MIR17HG: variants seen among roughly 807,000 people sequenced by gnomAD.
MIR17HG encodes the protein miR-17-92a-1 cluster host gene, also known as MIR17 host gene (non-protein coding).
At chr13:91,352,488 C>T (rs915448705) in intron 3 of MIR17HG, 6 of 152,186 alleles carry the variant, frequency 3.9e-5, no homozygotes, top group African/African-American at 1.4e-4. Flanking sequence ...AAGAAATAAA[C>T]TTCCATAACA....
intron 1 of MIR17HG, among the ~76,000 whole-genome samples, chr13:91,348,536 G>C (rs1875087246): frequency 6.6e-6 from 1 of 151,262 alleles, no homozygotes; most frequent in South Asian, 2.1e-4. Flanking sequence ...CTTTGTACGC[G>C]CGAGGGTGGG....
intron 1 of MIR17HG, among the ~76,000 whole-genome samples, chr13:91,349,444 A>G (rs1875172488): frequency 6.6e-6 from 1 of 151,876 alleles, no homozygotes; most frequent in Non-Finnish European, 1.5e-5. Context: ...GATCATAATC[A>G]AGTATTTTAG....
chr13:91,348,842 G>C (rs1875110584), intron 1 of MIR17HG, among the ~76,000 whole-genome samples: 1 of 149,584 alleles, frequency 6.7e-6, no homozygotes, highest in African/African-American at 2.4e-5. Context: ...GCGCGCCGCC[G>C]CCGATTGTTC....
chr13:91,348,166 G>GTA (rs10630963), intron 1 of MIR17HG, among the ~76,000 whole-genome samples: 1 of 136,292 alleles, frequency 7.3e-6, no homozygotes, highest in East Asian at 2.3e-4. Flanking sequence ...CCGGCGGAGG[G>GTA]GGGCAGGGCC....
intron 3 of MIR17HG, among the ~76,000 whole-genome samples, chr13:91,353,109 C>CAAA (rs549062236): frequency 0.012 from 333 of 28,882 alleles, 9 homozygotes; most frequent in Non-Finnish European, 0.018. Flanking sequence ...GACTTAAACG[C>CAAA]AAAAAAAAAA....
At chr13:91,351,105 T>C (rs766752478) in intron 3 of MIR17HG, 3 of 524,762 alleles carry the variant, frequency 5.7e-6, no homozygotes, top group South Asian at 2.8e-5. Context: ...TGTTTAGTTA[T>C]CTACTGCATT....
At chr13:91,351,148 TC>T (rs1566344609) in intron 3 of MIR17HG, 1 of 524,072 alleles carries the variant, frequency 1.9e-6, no homozygotes, top group South Asian at 1.4e-5. Flanking sequence ...GCTGTAGAAC[TC>T]CAGCTTCGGC....
exon 4 of MIR17HG, chr13:91,354,499 TAATA>T (rs1270461508): frequency 6.6e-6 from 1 of 152,184 alleles, no homozygotes; most frequent in Non-Finnish European, 1.5e-5. Flanking sequence ...CATTTAATGT[TAATA>T]AATAAAATAC....
At chr13:91,348,765 G>A (rs1443709535) in intron 1 of MIR17HG, among the ~76,000 whole-genome samples, 1 of 150,130 alleles carries the variant, frequency 6.7e-6, no homozygotes, top group African/African-American at 2.4e-5. Flanking sequence ...CGGGAGCGGC[G>A]TCCCCGCCGC....
intron 3 of MIR17HG, among the ~76,000 whole-genome samples, chr13:91,353,215 C>A (rs7318578): frequency 0.65 from 97,199 of 149,198 alleles, 31,800 homozygotes; most frequent in East Asian, 0.75. Flanking sequence ...TTTTTAAAAA[C>A]TGGAACAGTG....
chr13:91,350,755 C>T (rs41275866), intron 3 of MIR17HG: 1 of 534,426 alleles, frequency 1.9e-6, no homozygotes, highest in Admixed American at 1.9e-5. Context: ...GCTTTTTGTT[C>T]TAAGGTGCAT....
chr13:91,348,474 C>T (rs1875083465), intron 1 of MIR17HG, among the ~76,000 whole-genome samples: 1 of 150,112 alleles, frequency 6.7e-6, no homozygotes, highest in Non-Finnish European at 1.5e-5. Context: ...CCACGAGGTA[C>T]CTGCGCGCCA....
intron 3 of MIR17HG, chr13:91,351,469 C>A (rs1875311096): frequency 1.1e-5 from 5 of 435,826 alleles, no homozygotes; most frequent in South Asian, 5.2e-5. Flanking sequence ...GTACAAGATA[C>A]ATGAAATATT....
chr13:91,352,939 T>A (rs1875394838), intron 3 of MIR17HG, among the ~76,000 whole-genome samples: 1 of 151,424 alleles, frequency 6.6e-6, no homozygotes, highest in Non-Finnish European at 1.5e-5. Flanking sequence ...TGAAACGCTG[T>A]CTCTACTAAA....
intron 1 of MIR17HG, among the ~76,000 whole-genome samples, chr13:91,349,091 G>T (rs1358565201): frequency 6.6e-6 from 1 of 151,944 alleles, no homozygotes; most frequent in African/African-American, 2.4e-5. Flanking sequence ...GCTACGCGGA[G>T]AATCGCAGGG....
intron 3 of MIR17HG, chr13:91,351,679 A>G (rs1875322546): frequency 4.4e-6 from 1 of 229,644 alleles, no homozygotes; most frequent in South Asian, 5.8e-5. Context: ...GTTAGAGTAT[A>G]TCTTTTTGCT....
At chr13:91,349,364 GA>G (rs947167051) in intron 1 of MIR17HG, among the ~76,000 whole-genome samples, 1 of 152,056 alleles carries the variant, frequency 6.6e-6, no homozygotes, top group African/African-American at 2.4e-5. Flanking sequence ...GGGTGGTGAA[GA>G]ATAGTCTGTG....
At chr13:91,350,335 G>A in intron 3 of MIR17HG, 1 of 281,948 alleles carries the variant, frequency 3.5e-6, no homozygotes, top group Non-Finnish European at 7.1e-6. Flanking sequence ...TTTGGGAGAG[G>A]CCAGCCATTG....
intron 3 of MIR17HG, among the ~76,000 whole-genome samples, chr13:91,352,710 A>G (rs1875379145): frequency 6.6e-6 from 1 of 152,228 alleles, no homozygotes; most frequent in Non-Finnish European, 1.5e-5. Context: ...TAAAATGGAA[A>G]TCAAATTGTA....
Sources: allele counts gnomAD v4.1 joint callset (sites outside exome capture counted in the v4.1 genomes callset), GRCh38; gene constraint gnomAD v4.1.1; transcripts MANE v1.5; gene names NCBI Gene and HGNC (gene_info 2026-07-23, HGNC 2026-07-21).